The following HYCC1 variants were observed in gnomAD, a reference collection of about 807,000 sequenced individuals.
HYCC1 encodes the protein hyccin PI4KA lipid kinase complex subunit 1.
the HYCC1 span, among the ~76,000 whole-genome samples, chr7:23,012,849 C>T: frequency 3.9e-5 from 6 of 152,098 alleles, no homozygotes; most frequent in African/African-American, 1.2e-4. Context: ...GTTACATGAA[C>T]CAAAGAGGTG....
At chr7:22,956,242 CTA>C in the HYCC1 span, among the ~76,000 whole-genome samples, 3 of 151,718 alleles carry the variant, frequency 2.0e-5, no homozygotes, top group Admixed American at 6.6e-5. Flanking sequence ...TATTTGCCAT[CTA>C]TAGACTAAAT....
the HYCC1 span, among the ~76,000 whole-genome samples, chr7:22,963,111 C>T: frequency 6.6e-6 from 1 of 152,076 alleles, no homozygotes; most frequent in African/African-American, 2.4e-5. Flanking sequence ...TAATATTTAC[C>T]TCAGTCTCTA....
chr7:23,002,177 CAT>C, the HYCC1 span, among the ~76,000 whole-genome samples: 2 of 66,960 alleles, frequency 3.0e-5, no homozygotes, highest in Non-Finnish European at 6.8e-5. Flanking sequence ...TATATATATA[CAT>C]ATAGTTTGCG....
At chr7:22,915,331 A>G in the HYCC1 span, among the ~76,000 whole-genome samples, 1 of 152,292 alleles carries the variant, frequency 6.6e-6, no homozygotes, top group Non-Finnish European at 1.5e-5. Flanking sequence ...GAACTTCAAA[A>G]CGCCTAAGCC....
the HYCC1 span, among the ~76,000 whole-genome samples, chr7:23,003,727 T>A: frequency 2.6e-5 from 4 of 152,190 alleles, no homozygotes; most frequent in South Asian, 8.3e-4. Flanking sequence ...TGCCCTTTAA[T>A]ATGTTGGAAT....
chr7:22,935,252 T>C, the HYCC1 span: 1 of 152,246 alleles, frequency 6.6e-6, no homozygotes, highest in South Asian at 2.1e-4. Flanking sequence ...GTGAAGACTG[T>C]ATTTGAAAAA....
the HYCC1 span, among the ~76,000 whole-genome samples, chr7:22,966,615 T>C: frequency 1.3e-5 from 2 of 152,324 alleles, no homozygotes; most frequent in East Asian, 3.9e-4. Flanking sequence ...TCACTTAATA[T>C]AATACTAGCC....
the HYCC1 span, chr7:22,978,206 G>A: frequency 6.9e-7 from 1 of 1,440,606 alleles, no homozygotes; most frequent in South Asian, 1.2e-5. Flanking sequence ...ATGAAAAGCA[G>A]TTGCACAGGT....
chr7:22,969,448 G>A, the HYCC1 span, among the ~76,000 whole-genome samples: 7,863 of 150,966 alleles, frequency 0.052, 275 homozygotes, highest in Non-Finnish European at 0.081. Context: ...TTACAGGCAT[G>A]AGCCAACGTC....
chr7:22,926,009 A>G, the HYCC1 span, among the ~76,000 whole-genome samples: 10 of 152,286 alleles, frequency 6.6e-5, no homozygotes, highest in African/African-American at 2.4e-4. Context: ...CAAGCCACAA[A>G]AGAGTGGAGG....
chr7:22,934,170 T>C, the HYCC1 span: 18 of 151,692 alleles, frequency 1.2e-4, no homozygotes, highest in African/African-American at 3.9e-4. Context: ...AAAAATCTTT[T>C]TTCTGGCTTT....
the HYCC1 span, among the ~76,000 whole-genome samples, chr7:22,904,386 G>A: frequency 1.3e-5 from 2 of 150,480 alleles, no homozygotes; most frequent in African/African-American, 2.4e-5. Flanking sequence ...AGCTGAGATC[G>A]TGCCACTGCA....
chr7:22,999,232 T>G, the HYCC1 span, among the ~76,000 whole-genome samples: 1 of 152,196 alleles, frequency 6.6e-6, no homozygotes, highest in African/African-American at 2.4e-5. Context: ...AACAAATTAT[T>G]TTACATTTAA....
the HYCC1 span, among the ~76,000 whole-genome samples, chr7:22,995,920 T>G: frequency 6.6e-6 from 1 of 152,144 alleles, no homozygotes; most frequent in Admixed American, 6.5e-5. Context: ...TCAAGTACCA[T>G]TCAAAATGAT....
chr7:22,952,537 G>A, the HYCC1 span, among the ~76,000 whole-genome samples: 1 of 152,014 alleles, frequency 6.6e-6, no homozygotes, highest in African/African-American at 2.4e-5. Context: ...CAAAGCAGTA[G>A]TCAAGAGGTC....
the HYCC1 span, among the ~76,000 whole-genome samples, chr7:23,011,420 T>G: frequency 2.6e-5 from 4 of 152,208 alleles, no homozygotes; most frequent in African/African-American, 9.6e-5. Flanking sequence ...CTTCCATTTT[T>G]GTGTTCCTCA....
At chr7:22,950,057 CT>C in the HYCC1 span, among the ~76,000 whole-genome samples, 1 of 151,960 alleles carries the variant, frequency 6.6e-6, no homozygotes, top group Non-Finnish European at 1.5e-5. Context: ...CCTAATCTTG[CT>C]CTCTATCAGC....
the HYCC1 span, chr7:22,978,362 T>C: frequency 3.1e-6 from 5 of 1,613,966 alleles, no homozygotes; most frequent in Non-Finnish European, 3.4e-6. Flanking sequence ...AAATTAGTTC[T>C]GGGAGAAATT....
chr7:22,968,248 G>C, the HYCC1 span, among the ~76,000 whole-genome samples: 1 of 152,040 alleles, frequency 6.6e-6, no homozygotes, highest in Admixed American at 6.6e-5. Context: ...GAAACTTCCG[G>C]GTCATACCCC....
Sources: gnomAD v4.1 joint callset for allele counts (sites outside exome capture counted in the v4.1 genomes callset) on GRCh38, gnomAD v4.1.1 for gene constraint, MANE v1.5 for transcripts, NCBI Gene and HGNC (gene_info 2026-07-23, HGNC 2026-07-21) for gene names.